Variants in LRMDA observed in about 807,000 individuals in gnomAD.
LRMDA encodes leucine rich melanocyte differentiation associated.
LRMDA carries 18 observed loss-of-function variants against 29.8 expected under a neutral mutation model. The observed-to-expected ratio is 0.60, with a 90% CI of 0.42 to 0.90. The LOEUF is 0.90. LRMDA is among the 40% of genes least tolerant of loss of function. The probability of loss-of-function intolerance (pLI) is 0.00; values close to 1 mark genes in which losing one functional copy is unlikely to be tolerated. For missense variants in LRMDA, 273 were observed against 273.9 expected, an observed-to-expected ratio of 1.00 and a Z score of 0.02; for synonymous variants, 125 against 109.4, an observed-to-expected ratio of 1.14 and a Z score of -0.89.
chr10:76,508,673 G>T (rs1360672843), intron 6 of LRMDA, among the ~76,000 whole-genome samples: 12 of 148,910 alleles, frequency 8.1e-5, no homozygotes, highest in Non-Finnish European at 1.6e-4. Context: ...ACTTTTCTTT[G>T]TCTGGAATTA....
At chr10:76,204,840 T>C (rs1851505272) in intron 5 of LRMDA, among the ~76,000 whole-genome samples, 1 of 152,164 alleles carries the variant, frequency 6.6e-6, no homozygotes, top group Non-Finnish European at 1.5e-5. Context: ...TAAATGAAGA[T>C]GGTAGGTTTT....
At chr10:75,718,625 A>T (rs1842530263) in intron 2 of LRMDA, among the ~76,000 whole-genome samples, 1 of 152,262 alleles carries the variant, frequency 6.6e-6, no homozygotes, top group South Asian at 2.1e-4. Context: ...ACTTGTCATG[A>T]GCCTGGTTAG....
intron 2 of LRMDA, among the ~76,000 whole-genome samples, chr10:75,872,323 C>T (rs946641145): frequency 1.3e-5 from 2 of 150,966 alleles, no homozygotes; most frequent in Non-Finnish European, 2.9e-5. Flanking sequence ...ATTTTTGAGA[C>T]GATGGAATCT....
At chr10:76,312,681 G>A (rs1314828381) in intron 5 of LRMDA, among the ~76,000 whole-genome samples, 3 of 151,976 alleles carry the variant, frequency 2.0e-5, no homozygotes, top group Admixed American at 1.3e-4. Context: ...TGTTGTTAGA[G>A]CATCACAATA....
chr10:75,442,507 A>G (rs1844340212), intron 2 of LRMDA, among the ~76,000 whole-genome samples: 1 of 152,194 alleles, frequency 6.6e-6, no homozygotes, highest in South Asian at 2.1e-4. Context: ...TTTATTGAAG[A>G]GACTGTTCTT....
chr10:75,939,720 G>A (rs184336739), intron 2 of LRMDA, among the ~76,000 whole-genome samples: 4 of 152,244 alleles, frequency 2.6e-5, no homozygotes, highest in African/African-American at 9.6e-5. Flanking sequence ...ACTCTCAGAG[G>A]TCATTCCTCA....
intron 2 of LRMDA, among the ~76,000 whole-genome samples, chr10:75,621,747 C>A (rs1001258519): frequency 6.6e-6 from 1 of 152,132 alleles, no homozygotes; most frequent in African/African-American, 2.4e-5. Flanking sequence ...TTGAGCGTGG[C>A]TTAGACTTTG....
At chr10:75,634,815 G>C (rs1405221238) in intron 2 of LRMDA, among the ~76,000 whole-genome samples, 1 of 152,126 alleles carries the variant, frequency 6.6e-6, no homozygotes, top group Non-Finnish European at 1.5e-5. Context: ...ATGGAGGGGA[G>C]GGGTGGATAT....
intron 2 of LRMDA, among the ~76,000 whole-genome samples, chr10:75,546,249 T>C (rs1840080083): frequency 6.6e-6 from 1 of 152,202 alleles, no homozygotes; most frequent in Admixed American, 6.5e-5. Flanking sequence ...ATTCTCCATT[T>C]GCAAGATGGT....
chr10:76,332,375 A>C (rs1377022712), intron 6 of LRMDA, among the ~76,000 whole-genome samples: 1 of 152,024 alleles, frequency 6.6e-6, no homozygotes, highest in African/African-American at 2.4e-5. Flanking sequence ...ATGATTTTTC[A>C]TTTGCAGTCT....
intron 6 of LRMDA, among the ~76,000 whole-genome samples, chr10:76,486,046 T>C (rs1187111093): frequency 6.6e-6 from 1 of 151,980 alleles, no homozygotes; most frequent in Non-Finnish European, 1.5e-5. Flanking sequence ...AGATGCTTCA[T>C]TATGCATTTT....
chr10:75,945,776 G>T (rs1030505198), intron 2 of LRMDA, among the ~76,000 whole-genome samples: 1 of 152,082 alleles, frequency 6.6e-6, no homozygotes, highest in Non-Finnish European at 1.5e-5. Flanking sequence ...AAAACACCTT[G>T]TGTAGGGAAA....
intron 2 of LRMDA, among the ~76,000 whole-genome samples, chr10:75,753,985 C>T (rs1205115261): frequency 1.3e-5 from 2 of 152,146 alleles, no homozygotes; most frequent in Non-Finnish European, 1.5e-5. Context: ...AAGATGTTTC[C>T]CAGAATGGTG....
chr10:75,940,722 A>G (rs1846375715), intron 2 of LRMDA, among the ~76,000 whole-genome samples: 1 of 152,098 alleles, frequency 6.6e-6, no homozygotes, highest in African/African-American at 2.4e-5. Flanking sequence ...CTTCATAAAT[A>G]TTCATTAAAT....
At chr10:75,722,875 A>G (rs1243516041) in intron 2 of LRMDA, among the ~76,000 whole-genome samples, 1 of 152,194 alleles carries the variant, frequency 6.6e-6, no homozygotes, top group Non-Finnish European at 1.5e-5. Context: ...GTTTCTACTC[A>G]TATTTCTTTT....
chr10:75,980,973 T>C (rs955821521), intron 2 of LRMDA, among the ~76,000 whole-genome samples: 12 of 152,234 alleles, frequency 7.9e-5, no homozygotes, highest in African/African-American at 2.9e-4. Flanking sequence ...TGTTTTAAAC[T>C]AGAACTTCAT....
intron 5 of LRMDA, among the ~76,000 whole-genome samples, chr10:76,276,051 ATCTCTTTCTTTCTC>A (rs1470764983): frequency 1.6e-5 from 2 of 127,530 alleles, no homozygotes; most frequent in African/African-American, 7.3e-5. Context: ...CTATCTATCT[ATCTCTTTCTTTCTC>A]TCTTTCTTTC....
At chr10:75,877,687 T>A (rs767159668) in intron 2 of LRMDA, among the ~76,000 whole-genome samples, 2 of 152,166 alleles carry the variant, frequency 1.3e-5, no homozygotes, top group African/African-American at 2.4e-5. Context: ...CTGGAGGTAG[T>A]TAGTATAAAA....
intron 2 of LRMDA, among the ~76,000 whole-genome samples, chr10:75,686,032 A>G (rs955449292): frequency 1.4e-4 from 21 of 152,170 alleles, no homozygotes; most frequent in African/African-American, 5.1e-4. Context: ...GAATTTGTTC[A>G]AGGTCACATA....
Sources: gnomAD v4.1 joint callset for allele counts (sites outside exome capture counted in the v4.1 genomes callset) on GRCh38, gnomAD v4.1.1 for gene constraint, MANE v1.5 for transcripts, NCBI Gene and HGNC (gene_info 2026-07-23, HGNC 2026-07-21) for gene names.